The following PRDM10 variants were observed in gnomAD, a reference collection of about 807,000 sequenced individuals.
PRDM10 encodes PR/SET domain 10.
A neutral mutation model predicts 133.1 loss-of-function variants in PRDM10; 65 were observed. The ratio of observed to expected loss-of-function variants is 0.49; its 90% CI spans 0.40 to 0.60. The LOEUF is 0.60. Ranked by LOEUF, PRDM10 falls within the 20% of genes least tolerant of loss-of-function variation. The pLI, the probability that PRDM10 is intolerant of heterozygous loss-of-function variation, is 0.00. For missense variants in PRDM10, 1,137 were observed against 1,507.1 expected (o/e 0.75, Z 4.07); for synonymous variants, 582 against 580.4 (o/e 1.00, Z -0.04).
At chr11:129,936,080 G>A (rs898729993) in intron 8 of PRDM10, among the ~76,000 whole-genome samples, 5 of 152,048 alleles carry the variant, frequency 3.3e-5, no homozygotes, top group African/African-American at 1.2e-4. Context: ...TTGATCACCC[G>A]GCCAATCATT....
intron 1 of PRDM10, among the ~76,000 whole-genome samples, chr11:129,991,709 C>T (rs936717304): frequency 2.0e-5 from 3 of 152,002 alleles, no homozygotes; most frequent in Non-Finnish European, 4.4e-5. Context: ...ATCCCAGCTA[C>T]TCGGGAGGCT....
At chr11:129,929,418 C>T in intron 11 of PRDM10, 2 of 1,565,244 alleles carry the variant, frequency 1.3e-6, no homozygotes, top group Non-Finnish European at 1.7e-6. Flanking sequence ...ACCTGCAGCT[C>T]CAACTGAGCA....
chr11:129,947,374 G>A lies in PRDM10; in HGVS notation c.295-4C>T, dbSNP rs151054382. On this transcript the variant is annotated splice_region_variant and splice_polypyrimidine_tract_variant and intron_variant, in intron 4 of 20. Transcript: ENST00000360871. This position sits in a 1 kb window ranked among gnomAD's most constrained non-coding sequence, Gnocchi z 4.6. ...GGTTATGAACTGGCAATGAGGCCTG[G>A]GCAAAAGTTGAAGGCACAGAGTAAG... The A allele has an allele frequency of 2.1e-3, 3,467 of 1,614,156 alleles. 4 individuals are homozygous for A. Among genetic ancestry groups the A allele is most frequent in the Non-Finnish European group, 2.6e-3 (3,045 of 1,180,026 alleles).
chr11:129,985,777 G>A (rs1938376997), intron 1 of PRDM10, among the ~76,000 whole-genome samples: 1 of 16,818 alleles, frequency 5.9e-5, no homozygotes, highest in Admixed American at 1.1e-3. Context: ...GACAAACCCT[G>A]TCCAAAAAAA....
intron 9 of PRDM10, 70 bp from the exon 10 acceptor site, chr11:129,932,301 T>G: frequency 6.4e-7 from 1 of 1,560,932 alleles, no homozygotes; most frequent in Non-Finnish European, 8.8e-7. Context: ...GCGACCTAAA[T>G]GATCCTTACT....
chr11:130,002,190 G>C (rs1642490030), intron 1 of PRDM10, among the ~76,000 whole-genome samples: 1 of 147,728 alleles, frequency 6.8e-6, no homozygotes. Context: ...GCGGAGACCT[G>C]CCCGCCGCGC....
At chr11:129,991,620 A>G (rs1306622609) in intron 1 of PRDM10, among the ~76,000 whole-genome samples, 1 of 152,130 alleles carries the variant, frequency 6.6e-6, no homozygotes, top group Non-Finnish European at 1.5e-5. Context: ...GGAGTTCGAG[A>G]CCATCCTGGC....
At position 129,961,069 on chromosome 11, in the gene PRDM10, T is replaced by C; in HGVS notation, c.-105A>G. ...TGTGTTCATGAAGGACGGAAAGGTC[T>C]GTCTGCAGCATGCCTGAGAAAACAC... On this transcript the variant is annotated 5_prime_UTR_variant, in exon 2 of 21. Transcript: ENST00000360871. The C allele has an allele frequency of 1.1e-6, 1 of 903,454 alleles. No individual in the cohort carries two copies. Among genetic ancestry groups the C allele is most frequent in the Non-Finnish European group, 1.7e-6 (1 of 590,692 alleles). The allele number at this position is 903,454 out of a possible 1,614,324, so 56.0% of individuals were successfully genotyped here.
intron 1 of PRDM10, among the ~76,000 whole-genome samples, chr11:130,002,337 A>C (rs1024570165): frequency 6.6e-6 from 1 of 151,752 alleles, no homozygotes; most frequent in Non-Finnish European, 1.5e-5. Context: ...TCGCAGGGGG[A>C]GGCTGCGCGC....
intron 6 of PRDM10, among the ~76,000 whole-genome samples, chr11:129,942,906 G>A (rs1951261434): frequency 6.6e-6 from 1 of 152,136 alleles, no homozygotes; most frequent in South Asian, 2.1e-4. Context: ...TGATAAAAAT[G>A]CTATAAATAT....
At chr11:129,914,150 C>T (rs901110114) in intron 17 of PRDM10, among the ~76,000 whole-genome samples, 9 of 152,116 alleles carry the variant, frequency 5.9e-5, no homozygotes, top group Admixed American at 1.3e-4. Context: ...TACAGGCATC[C>T]GCCACCATGC....
intron 1 of PRDM10, among the ~76,000 whole-genome samples, chr11:129,977,788 T>C (rs7103338): frequency 0.24 from 36,055 of 151,792 alleles, 7,345 homozygotes; most frequent in East Asian, 0.57. Flanking sequence ...AACCCCACTT[T>C]TACAAAAAAT....
In PRDM10 at chr11:129,999,223, A is replaced by G. The variant is rs12223766; in HGVS notation, c.-119+3499T>C. Among the ~76,000 whole-genome samples the G allele has an allele frequency of 9.1e-4, 138 of 152,330 alleles. 4 individuals carry two copies. The East Asian group carries it at 0.023, about 26-fold the overall frequency. ...AGTTTAATGCTAGAACAGCGAAGAG[A>G]TAAGTGTCACCAATGAGGGCCAAAA... On this transcript the variant is annotated intron_variant, in intron 1 of 20. Transcript: ENST00000360871.
In PRDM10 at chr11:129,944,891, T is replaced by A; in HGVS notation, c.642A>T (p.Ile214=). Residue 214 remains isoleucine (I), a synonymous_variant, in exon 6 of 21, where the codon ATA becomes ATT. Coordinates refer to ENST00000360871, the MANE Select transcript of PRDM10 (RefSeq NM_199437.2). ...AGAACACCCCGCCCAGAAACCTGTCTATGTAGAGCACCAGGGGGAGGCTCG... is the reference window on the plus strand; with the variant it reads ...AGAACACCCCGCCCAGAAACCTGTCAATGTAGAGCACCAGGGGGAGGCTCG... The part of the protein sequence containing the change: ...ARASLPLVLY[I]DRFLGGVFSK... 6.2e-7 allele frequency: 1 copy of A among 1,614,068 alleles called. No homozygotes were observed. The highest frequency in any genetic ancestry group is 8.5e-7 in the Non-Finnish European group (1 of 1,180,014).
At chr11:129,976,054 G>C (rs1447261947) in intron 1 of PRDM10, among the ~76,000 whole-genome samples, 1 of 152,144 alleles carries the variant, frequency 6.6e-6, no homozygotes, top group Non-Finnish European at 1.5e-5. Flanking sequence ...AGAGCAACTA[G>C]AGGGTGACAT....
chr11:129,957,992 C>A, intron 2 of PRDM10, 82 bp from the exon 3 acceptor site: 1 of 1,449,630 alleles, frequency 6.9e-7, no homozygotes, highest in East Asian at 2.3e-5. Flanking sequence ...TCTAAAAGAT[C>A]CCCAATGACA....
intron 1 of PRDM10, among the ~76,000 whole-genome samples, chr11:129,990,235 A>G (rs1938653542): frequency 6.6e-6 from 1 of 151,870 alleles, no homozygotes; most frequent in Admixed American, 6.6e-5. Context: ...AGTCCCAGCT[A>G]CTCGGGAGGC....
chr11:129,970,813 T>C (rs570286195), intron 1 of PRDM10, among the ~76,000 whole-genome samples: 7 of 152,280 alleles, frequency 4.6e-5, no homozygotes, highest in African/African-American at 1.7e-4. Flanking sequence ...CCCAAGTTGC[T>C]GGGATTACAG....
At chr11:129,919,034 A>G (rs1591594649) in intron 13 of PRDM10, among the ~76,000 whole-genome samples, 1 of 152,314 alleles carries the variant, frequency 6.6e-6, no homozygotes, top group East Asian at 1.9e-4. Flanking sequence ...GCCTGGCATA[A>G]AAGAACTTCA....
Sources: gnomAD v4.1 joint callset for allele counts (sites outside exome capture counted in the v4.1 genomes callset) on GRCh38, gnomAD v4.1.1 for gene constraint, Gnocchi (gnomAD v3.1) non-coding constraint, MANE v1.5 for transcripts, NCBI Gene and HGNC (gene_info 2026-07-23, HGNC 2026-07-21) for gene names.